The following SVEP1 variants were observed in gnomAD, a reference collection of about 807,000 sequenced individuals.
SVEP1 encodes the protein sushi, von Willebrand factor type A, EGF and pentraxin domain-containing protein 1.
In SVEP1, 164 loss-of-function variants were observed where a neutral mutation model predicts 367.3. That is an observed-to-expected ratio of 0.45 (90% CI 0.39 to 0.51). The LOEUF is 0.51. SVEP1 is among the 20% of genes least tolerant of loss of function. The probability of loss-of-function intolerance (pLI) is 0.00; values close to 1 mark genes in which losing one functional copy is unlikely to be tolerated. For synonymous variants in SVEP1, 1,666 were observed against 1,611.6 expected (o/e 1.03, Z -0.81); for missense variants, 4,117 against 4,425.3 (o/e 0.93, Z 1.98).
chr9:110,449,177 G>A (rs1588058611), intron 24 of SVEP1, among the ~76,000 whole-genome samples: 1 of 152,094 alleles, frequency 6.6e-6, no homozygotes, highest in Admixed American at 6.5e-5. Context: ...CAACAGGAGA[G>A]GGTTGTTTTT....
intron 34 of SVEP1, 51 bp from the exon 35 acceptor site, chr9:110,429,385 G>T: frequency 7.6e-7 from 1 of 1,310,480 alleles, no homozygotes; most frequent in Non-Finnish European, 1.0e-6. Context: ...TATTTTGCAT[G>T]CCGTTATCTG....
At chr9:110,441,307 A>G (rs561003174) in intron 27 of SVEP1, among the ~76,000 whole-genome samples, 1 of 152,338 alleles carries the variant, frequency 6.6e-6, no homozygotes, top group South Asian at 2.1e-4. Context: ...CTCCCATCTT[A>G]CAACAACCTA....
At chr9:110,434,107 C>T (rs1828395085) in intron 30 of SVEP1, among the ~76,000 whole-genome samples, 1 of 152,216 alleles carries the variant, frequency 6.6e-6, no homozygotes, top group Admixed American at 6.5e-5. Context: ...CCAACCCTTT[C>T]AGTTCCTTGC....
At position 110,481,378 on chromosome 9, in the gene SVEP1, A is replaced by T; in HGVS notation, c.2229T>A (p.Asp743Glu). The change falls in exon 12 of 48, where the codon GAT (aspartate) becomes GAA (glutamate). Residue 743 changes from aspartate (D) to glutamate (E), a missense_variant. This residue lies in a region of SVEP1 where 2,174 missense variants were observed against 2,494.3 expected (regional missense o/e 0.87). Transcript: ENST00000374469. ...PVNGDFICTP[D>E]NTGVNCTLTC... Reference sequence around the variant, plus strand: ...TTAATGTACAGTTGACTCCAGTATTATCTGGAGTGCATATAAAATCCCCAT... The same window carrying T: ...TTAATGTACAGTTGACTCCAGTATTTTCTGGAGTGCATATAAAATCCCCAT... 6.2e-7 allele frequency: 1 copy of T among 1,608,476 alleles called. No individual in the cohort carries two copies.
chr9:110,443,569 G>C lies in SVEP1; in HGVS notation c.4615C>G (p.Leu1539Val). The change falls in exon 27 of 48, where the codon CTC (leucine) becomes GTC (valine). Residue 1539 changes from leucine (L) to valine (V), a missense_variant. Coordinates refer to ENST00000374469, the MANE Select transcript of SVEP1 (RefSeq NM_153366.4). ...DGKLSDGGAG[L>V]SVGLPIPGGG... ...CCAGGTATGGGCAAACCAACAGAGA[G>C]GCCAGCACCACCGTCAGATAATTTC... is the stretch of plus-strand genomic sequence containing the variant. 1.2e-6 allele frequency: 2 copies of C among 1,610,354 alleles called. No individual in the cohort carries two copies. Among genetic ancestry groups the C allele is most frequent in the Non-Finnish European group, 1.7e-6 (2 of 1,178,334 alleles).
chr9:110,464,756 A>G (rs140837826), intron 18 of SVEP1, among the ~76,000 whole-genome samples: 96 of 152,332 alleles, frequency 6.3e-4, no homozygotes, highest in African/African-American at 2.1e-3. Context: ...GGTAGGATAC[A>G]CAATTAAAAA....
chr9:110,407,361 G>A lies in SVEP1; in HGVS notation c.8239C>T (p.His2747Tyr), dbSNP rs1310462868. 6.2e-7 allele frequency: 1 copy of A among 1,613,976 alleles called. No individual in the cohort carries two copies. Among genetic ancestry groups the A allele is most frequent in the South Asian group, 1.1e-5 (1 of 91,084 alleles). The change falls in exon 38 of 48, where the codon CAC becomes TAC. Residue 2747 changes from histidine (H) to tyrosine (Y), a missense_variant. By Grantham distance (83) the His-to-Tyr change is moderately conservative. Around this residue, in one of 4 missense-constraint regions of SVEP1, gnomAD observed 1,765 missense variants for 1,781.1 expected, o/e 0.99. Transcript: ENST00000374469. ...CTTAAGTCAGAGCCTGCTAGAATGT[G>A]TCCAGGTTTACAGCTATACTGCACA... ...SAVQYSCKPG[H>Y]ILAGSDLRLC...
chr9:110,385,818 A>T, intron 43 of SVEP1, 80 bp downstream of exon 43: 1 of 1,465,348 alleles, frequency 6.8e-7, no homozygotes, highest in Middle Eastern at 2.3e-4. Context: ...CAACTAAGTG[A>T]CTTGATTGAA....
At chr9:110,473,918 AT>A (rs1262171025) in intron 14 of SVEP1, among the ~76,000 whole-genome samples, 2 of 152,110 alleles carry the variant, frequency 1.3e-5, no homozygotes, top group Non-Finnish European at 2.9e-5. Flanking sequence ...TATGAATATG[AT>A]TTTTTCCCCT....
intron 3 of SVEP1, among the ~76,000 whole-genome samples, chr9:110,527,900 T>G (rs1234242816): frequency 6.6e-6 from 1 of 151,754 alleles, no homozygotes; most frequent in Non-Finnish European, 1.5e-5. Context: ...TATACCATAC[T>G]GTATGCTTTG....
intron 39 of SVEP1, among the ~76,000 whole-genome samples, chr9:110,403,120 T>A (rs1044190396): frequency 2.6e-5 from 4 of 151,996 alleles, no homozygotes; most frequent in Non-Finnish European, 5.9e-5. Context: ...AGTGAAAGTC[T>A]GCTATACTCT....
chr9:110,535,374 A>G (rs1206683515), intron 3 of SVEP1, among the ~76,000 whole-genome samples: 1 of 151,980 alleles, frequency 6.6e-6, no homozygotes, highest in Non-Finnish European at 1.5e-5. Flanking sequence ...CCATTGGTCT[A>G]TGTGTCTGTT....
chr9:110,565,761 C>G (rs1379988316), intron 1 of SVEP1, among the ~76,000 whole-genome samples: 1 of 151,916 alleles, frequency 6.6e-6, no homozygotes, highest in African/African-American at 2.4e-5. Flanking sequence ...ATGGACATAC[C>G]CAAGTCCCTT....
At chr9:110,377,420 T>G in intron 44 of SVEP1, 54 bp from the exon 45 acceptor site, 6 of 1,468,584 alleles carry the variant, frequency 4.1e-6, no homozygotes, top group Non-Finnish European at 5.7e-6. Flanking sequence ...AGGGAAGGAG[T>G]CAGAAAATAG....
intron 1 of SVEP1, among the ~76,000 whole-genome samples, chr9:110,550,574 C>G (rs1830274118): frequency 6.6e-6 from 1 of 151,976 alleles, no homozygotes; most frequent in African/African-American, 2.4e-5. Flanking sequence ...CACCAAAATC[C>G]TAATGGGAAG....
chr9:110,436,026 C>A (rs558681219), intron 28 of SVEP1, among the ~76,000 whole-genome samples: 122 of 146,972 alleles, frequency 8.3e-4, no homozygotes, highest in African/African-American at 2.9e-3. Context: ...TCGTGCCAGC[C>A]TTAAATTTCT....
At position 110,489,706 on chromosome 9, in the gene SVEP1, G is replaced by C; in HGVS notation, c.1874C>G (p.Thr625Arg). 1.2e-6 allele frequency: 2 copies of C among 1,613,556 alleles called. No individual in the cohort carries two copies. Among genetic ancestry groups the C allele is most frequent in the East Asian group, 4.5e-5 (2 of 44,860 alleles). Residue 625 changes from threonine (T) to arginine (R), a missense_variant, in exon 9 of 48, where the codon ACG (threonine) becomes AGG (arginine). Thr to Arg is a moderately conservative substitution (Grantham distance 71, BLOSUM62 -1). Transcript: ENST00000374469. ...FPIGDVAIVY[T>R]ATDLSGNQAS... The stretch of plus-strand genomic sequence containing the variant: ...CTGGTTGCCGGATAGGTCAGTTGCC[G>C]TGTATACGATAGCAACATCTCCAAT...
chr9:110,525,765 T>TA lies in SVEP1; in HGVS notation c.965-11660_965-11659insT, dbSNP rs1829932371. On this transcript the variant is annotated intron_variant, in intron 3 of 47. Transcript: ENST00000374469. ...GAGCTACACTAATGTGCCTGGCTGA[T>TA]TTTTTTTTTTTACTTTTTTAAAAAA... Among the ~76,000 whole-genome samples the TA allele has an allele frequency of 3.5e-5, 5 of 144,220 alleles. No individual in the cohort carries two copies. The South Asian group carries it at 8.6e-4, about 25-fold the overall frequency. 94.6% of individuals were successfully genotyped at this position (144,220 alleles called of 152,430 possible). A position where few individuals can be genotyped will look rare whatever the true frequency, so the allele number is the denominator to read the frequency against.
rs1327672578 is a variant in SVEP1, at chr9:110,483,713, A to G, written c.1931-20T>C. 3.2e-6 allele frequency: 5 copies of G among 1,550,354 alleles called. No homozygotes were observed. The highest frequency in any genetic ancestry group is 1.4e-5 in the African/African-American group (1 of 72,246). On this transcript the variant is annotated intron_variant, in intron 9 of 47. Transcript: ENST00000374469. The stretch of plus-strand genomic sequence containing the variant: ...CTGCATCTGAAGAACATGAAATCAG[A>G]CAAAGAAGTCACAGCTGATATTCAC...
Sources: allele counts gnomAD v4.1 joint callset (sites outside exome capture counted in the v4.1 genomes callset), GRCh38; gene constraint gnomAD v4.1.1; regional missense constraint gnomAD v4.1.1; transcripts MANE v1.5; gene names NCBI Gene and HGNC (gene_info 2026-07-23, HGNC 2026-07-21).